RHBDD3: variants seen among roughly 807,000 people sequenced by gnomAD.
The protein encoded by RHBDD3 is rhomboid domain containing 3, also known as rhomboid domain-containing protein 3.
RHBDD3 carries 34 observed loss-of-function variants against 32.3 expected under a neutral mutation model. The observed-to-expected ratio is 1.05, with a 90% confidence interval of 0.80 to 1.40. The LOEUF (loss-of-function observed/expected upper bound fraction) is 1.40. Among genes scored for constraint, RHBDD3 ranks in the 40% most tolerant of loss-of-function variants. The pLI is 0.00. For missense variants in RHBDD3, 482 were observed against 492.6 expected, an observed-to-expected ratio of 0.98 and a Z score of 0.20; for synonymous variants, 249 against 239.1, an observed-to-expected ratio of 1.04 and a Z score of -0.38.
Position 29,264,116 on chromosome 22 carries a change from A to G in RHBDD3, c.251T>C (p.Leu84Pro), listed in dbSNP as rs2058150925. 3.8e-6 allele frequency: 6 copies of G among 1,586,084 alleles called. No individual in the cohort carries two copies. Among genetic ancestry groups the G allele is most frequent in the Non-Finnish European group, 5.1e-6 (6 of 1,167,714 alleles). Reference protein sequence around the residue: ...PTVGWQQECHLGTLRFLHASA... With the variant: ...PTVGWQQECHPGTLRFLHASA... ...GGCATGCAGGAATCTCAGCGTGCCCAGGTGGCACTCCTGCTGCCAGCCCAC... is the reference window on the plus strand; with the variant it reads ...GGCATGCAGGAATCTCAGCGTGCCCGGGTGGCACTCCTGCTGCCAGCCCAC... The change falls in exon 4 of 7, where the codon CTG becomes CCG. Residue 84 changes from leucine (L) to proline (P), a missense_variant. Coordinates refer to ENST00000216085, the MANE Select transcript of RHBDD3 (RefSeq NM_012265.3).
At chr22:29,264,517 T>C in intron 3 of RHBDD3, 1 of 1,179,806 alleles carries the variant, frequency 8.5e-7, no homozygotes, top group Non-Finnish European at 1.0e-6. Context: ...ATGAAGGTAC[T>C]CTGCTTCTGT....
chr22:29,261,081 T>G, intron 4 of RHBDD3: 1 of 612,508 alleles, frequency 1.6e-6, no homozygotes, highest in Non-Finnish European at 2.9e-6. Context: ...CAGAGCCAGG[T>G]ATGCCTCACC....
chr22:29,264,196 G>A lies in RHBDD3; in HGVS notation c.171C>T (p.Ala57=). ...PWQVHRLLTH[A]LGHTALPGLL... The stretch of plus-strand genomic sequence containing the variant: ...GGCCTGGCAGGGCCGTGTGGCCCAG[G>A]GCATGGGTCAGCAGCCGGTGCACTG... The change falls in exon 4 of 7, where the codon GCC becomes GCT. Residue 57 remains alanine, a synonymous_variant. Coordinates refer to ENST00000216085, the MANE Select transcript of RHBDD3 (RefSeq NM_012265.3). The A allele has an allele frequency of 6.4e-7, 1 of 1,554,392 alleles. No homozygotes were observed. Among genetic ancestry groups the A allele is most frequent in the Non-Finnish European group, 8.7e-7 (1 of 1,150,500 alleles).
upstream of RHBDD3, chr22:29,268,160 C>T: frequency 1.4e-6 from 1 of 732,070 alleles, no homozygotes; most frequent in South Asian, 1.5e-5. Context: ...AGGACTGGGA[C>T]AAGAGTTGCG....
intron 4 of RHBDD3, among the ~76,000 whole-genome samples, chr22:29,261,626 C>T (rs2058122066): frequency 6.6e-6 from 1 of 152,052 alleles, no homozygotes; most frequent in Non-Finnish European, 1.5e-5. Context: ...AGAAGCAGAA[C>T]ACCAATAAAG....
intron 4 of RHBDD3, among the ~76,000 whole-genome samples, chr22:29,262,340 T>C (rs2058129891): frequency 6.6e-6 from 1 of 152,056 alleles, no homozygotes; most frequent in African/African-American, 2.4e-5. Context: ...GGTTTCACCA[T>C]GTTGGCCACG....
intron 3 of RHBDD3, 161 bp downstream of exon 3, chr22:29,265,318 T>C (rs2058163532): frequency 7.3e-6 from 4 of 545,644 alleles, no homozygotes; most frequent in Non-Finnish European, 1.2e-5. Flanking sequence ...TTCTTGGCTG[T>C]GGATGTGCTG....
chr22:29,260,969 C>T, intron 4 of RHBDD3, 105 bp from the exon 5 acceptor site: 2 of 1,104,636 alleles, frequency 1.8e-6, no homozygotes, highest in Non-Finnish European at 2.5e-6. Flanking sequence ...GCCACCATTC[C>T]CTCCCGTCTC....
intron 2 of RHBDD3, 95 bp from the exon 3 acceptor site, chr22:29,265,763 G>A (rs2058169575): frequency 2.4e-6 from 3 of 1,258,398 alleles, no homozygotes; most frequent in Admixed American, 7.7e-5. Context: ...ATTTTACAGA[G>A]GTGGAAACAG....
intron 6 of RHBDD3, 28 bp downstream of exon 6, chr22:29,260,298 G>A (rs1232681450): frequency 5.0e-6 from 8 of 1,606,860 alleles, no homozygotes; most frequent in East Asian, 4.5e-5. Context: ...TATACCAGGG[G>A]ACCCCACCTC....
chr22:29,260,066 A>C lies in RHBDD3; in HGVS notation c.1155T>G (p.Pro385=), dbSNP rs112726426. 2.4e-5 allele frequency: 37 copies of C among 1,560,878 alleles called. No individual in the cohort carries two copies. The African/African-American group carries it at 4.5e-4, about 19-fold the overall frequency. Residue 385 remains proline, a synonymous_variant, in exon 7 of 7, where the codon CCT becomes CCG. Transcript: ENST00000216085. ...GCCCCACTCTCTGCCTGGGCTAGGG[A>C]GGCCCAGGACCCTCGGAGTGGGCAG... ...GGPAHSEGPG[P]P
intron 4 of RHBDD3, 103 bp from the exon 5 acceptor site, chr22:29,260,967 T>G (rs1271193585): frequency 8.8e-7 from 1 of 1,136,750 alleles, no homozygotes; most frequent in Non-Finnish European, 1.2e-6. Context: ...TGGCCACCAT[T>G]CCCTCCCGTC....
At position 29,260,130 on chromosome 22, in the gene RHBDD3, A is replaced by G. The variant is rs569765303; in HGVS notation, c.1091T>C (p.Val364Ala). The G allele has an allele frequency of 6.3e-7, 1 of 1,586,956 alleles. No homozygotes were observed. Among genetic ancestry groups the G allele is most frequent in the African/African-American group, 1.3e-5 (1 of 74,506 alleles). The change falls in exon 7 of 7, where the codon GTG becomes GCG. Residue 364 changes from valine (V) to alanine (A), a missense_variant. Val to Ala is a moderately conservative substitution (Grantham distance 64). Transcript: ENST00000216085. Reference protein sequence around the residue: ...GAVSLLVGGQVGTETLVTHGK... With the variant: ...GAVSLLVGGQAGTETLVTHGK... ...ATGGGTCACCAGGGTCTCAGTGCCC[A>G]CTTGTCCTCCAACCAACAGTGACAC...
chr22:29,260,319 A>G lies in RHBDD3; in HGVS notation c.983+7T>C, dbSNP rs1272396790. Reference sequence around the variant, plus strand: ...AGGGGACCCCACCTCTGCCCACCCCACCTTACCGCAGAGAGGAGACAGAGG... The same window carrying G: ...AGGGGACCCCACCTCTGCCCACCCCGCCTTACCGCAGAGAGGAGACAGAGG... On this transcript the variant is annotated splice_region_variant and intron_variant, in intron 6 of 6. Coordinates refer to ENST00000216085, the MANE Select transcript of RHBDD3 (RefSeq NM_012265.3). The G allele has an allele frequency of 1.2e-6, 2 of 1,606,430 alleles. No homozygotes were observed. Among genetic ancestry groups the G allele is most frequent in the Non-Finnish European group, 1.7e-6 (2 of 1,175,956 alleles).
chr22:29,260,788 C>T lies in RHBDD3; in HGVS notation c.609G>A (p.Arg203=), dbSNP rs1195398644. The T allele has an allele frequency of 1.2e-6, 2 of 1,607,132 alleles. No homozygotes were observed. The highest frequency in any genetic ancestry group is 2.2e-5 in the East Asian group (1 of 44,778). The change falls in exon 5 of 7, where the codon AGG becomes AGA. Residue 203 remains arginine (R), a synonymous_variant. Transcript: ENST00000216085. ...TCAGGGGCCAGCACCCCGCCAAGGT[C>T]CTGCACAAGACGCCCTCCTGCAGCA... is the stretch of plus-strand genomic sequence containing the variant. The part of the protein sequence containing the change: ...LQVLQEGVLC[R]TLAGCWPLRL...
chr22:29,262,138 GCT>G (rs2058127215), intron 4 of RHBDD3: 1 of 124,466 alleles, frequency 8.0e-6, no homozygotes, highest in Admixed American at 1.1e-4. Context: ...ATTTTGTACG[GCT>G]TTTTTTTTTT....
At position 29,260,207 on chromosome 22, in the gene RHBDD3, A is replaced by G; in HGVS notation, c.1014T>C (p.Pro338=). Residue 338 remains proline, a synonymous_variant, in exon 7 of 7, where the codon CCT becomes CCC. Transcript: ENST00000216085. The part of the protein sequence containing the change: ...RLQQLERMGF[P]TEQAVVALAA... ...CCAGTGCCACCACCGCCTGCTCCGT[A>G]GGGAAGCCCATGCGCTCCAGCTGCT... 6 of 1,598,484 alleles carry G rather than the reference A, an allele frequency of 3.8e-6. No homozygotes were observed. The highest frequency in any genetic ancestry group is 5.1e-6 in the Non-Finnish European group (6 of 1,173,192).
chr22:29,263,332 C>T (rs753676686), intron 4 of RHBDD3, among the ~76,000 whole-genome samples: 23 of 152,168 alleles, frequency 1.5e-4, no homozygotes, highest in East Asian at 1.9e-4. Flanking sequence ...CATGAGCCAT[C>T]GCGCCTGGCC....
chr22:29,264,269 G>A (rs2058153134), intron 3 of RHBDD3, 51 bp from the exon 4 acceptor site: 2 of 1,471,330 alleles, frequency 1.4e-6, no homozygotes, highest in Non-Finnish European at 1.8e-6. Context: ...CAACATCCAA[G>A]GCTGTCCCAG....
Sources: allele counts gnomAD v4.1 joint callset (sites outside exome capture counted in the v4.1 genomes callset), GRCh38; gene constraint gnomAD v4.1.1; transcripts MANE v1.5; gene names NCBI Gene and HGNC (gene_info 2026-07-23, HGNC 2026-07-21).